PPP1R9A: variants seen among roughly 807,000 people sequenced by gnomAD.
PPP1R9A encodes the protein neurabin-1.
Under a neutral mutation model 141.9 loss-of-function variants are expected in PPP1R9A, and 59 were observed. The observed-to-expected ratio is 0.42, with a 90% CI of 0.34 to 0.52. PPP1R9A has a LOEUF of 0.52. PPP1R9A is among the 20% of genes least tolerant of loss of function. PPP1R9A has a pLI of 0.10. For missense variants in PPP1R9A, 1,444 were observed against 1,611.9 expected (o/e 0.90, Z 1.78); for synonymous variants, 500 against 569.7 (o/e 0.88, Z 1.74).
At chr7:95,228,136 G>A (rs76206056) in intron 8 of PPP1R9A, among the ~76,000 whole-genome samples, 223 of 152,214 alleles carry the variant, frequency 1.5e-3, no homozygotes, top group African/African-American at 5.3e-3. Context: ...CATGTTACAG[G>A]ATTGTCTTAA....
chr7:95,149,655 G>A (rs1367014570), intron 4 of PPP1R9A, among the ~76,000 whole-genome samples: 4 of 151,508 alleles, frequency 2.6e-5, no homozygotes, highest in African/African-American at 4.8e-5. Context: ...GAAATACTTA[G>A]GTATAAACCT....
chr7:95,264,854 A>T (rs1043399464), intron 12 of PPP1R9A, among the ~76,000 whole-genome samples: 1 of 152,244 alleles, frequency 6.6e-6, no homozygotes, highest in African/African-American at 2.4e-5. Context: ...TATGGACAAC[A>T]GAACAAGGCA....
intron 2 of PPP1R9A, among the ~76,000 whole-genome samples, chr7:95,069,383 A>G (rs1201828720): frequency 1.3e-5 from 2 of 152,122 alleles, no homozygotes; most frequent in African/African-American, 2.4e-5. Flanking sequence ...TAAAGGAAGT[A>G]GGGCTACACT....
chr7:95,045,233 G>C (rs1490200035), intron 2 of PPP1R9A, among the ~76,000 whole-genome samples: 1 of 152,156 alleles, frequency 6.6e-6, no homozygotes, highest in Non-Finnish European at 1.5e-5. Flanking sequence ...GCAAGTTTCC[G>C]AGCAGGAATG....
At chr7:95,071,686 A>G (rs1481629232) in intron 2 of PPP1R9A, among the ~76,000 whole-genome samples, 2 of 151,998 alleles carry the variant, frequency 1.3e-5, no homozygotes, top group Non-Finnish European at 2.9e-5. Context: ...TATAAAAGAA[A>G]GAATATGCTT....
intron 5 of PPP1R9A, among the ~76,000 whole-genome samples, chr7:95,183,875 T>C (rs1834246490): frequency 6.6e-6 from 1 of 151,622 alleles, no homozygotes; most frequent in South Asian, 2.1e-4. Flanking sequence ...TTATTCTATT[T>C]TATTTTATTT....
intron 8 of PPP1R9A, 98 bp from the exon 9 acceptor site, chr7:95,247,375 C>T: frequency 1.0e-6 from 1 of 969,012 alleles, no homozygotes; most frequent in Non-Finnish European, 1.6e-6. Flanking sequence ...TTTTCTAGGC[C>T]TTTTACTATG....
At chr7:95,276,984 CTG>C (rs1265413150) in intron 16 of PPP1R9A, among the ~76,000 whole-genome samples, 3 of 152,132 alleles carry the variant, frequency 2.0e-5, no homozygotes, top group Non-Finnish European at 4.4e-5. Flanking sequence ...TCCTGAAAGT[CTG>C]TGGGCTGTAA....
chr7:94,956,842 G>T (rs911002954), intron 2 of PPP1R9A, among the ~76,000 whole-genome samples: 2 of 152,134 alleles, frequency 1.3e-5, no homozygotes, highest in African/African-American at 2.4e-5. Context: ...GTTTTGAATA[G>T]AAATCAACCA....
chr7:95,021,614 A>T (rs1805973152), intron 2 of PPP1R9A, among the ~76,000 whole-genome samples: 1 of 152,272 alleles, frequency 6.6e-6, no homozygotes, highest in Non-Finnish European at 1.5e-5. Flanking sequence ...TCTTATGTTT[A>T]AGTCTTTAAT....
At chr7:95,181,369 G>A (rs1383843481) in intron 5 of PPP1R9A, among the ~76,000 whole-genome samples, 20 of 132,544 alleles carry the variant, frequency 1.5e-4, no homozygotes, top group African/African-American at 5.7e-4. Flanking sequence ...GAATATGTAT[G>A]GAATATATAG....
In PPP1R9A at chr7:95,247,405, C is replaced by T. The variant is rs932445485; in HGVS notation, c.2113-68C>T. 3.8e-6 allele frequency: 5 copies of T among 1,314,304 alleles called. No individual in the cohort carries two copies. In the African/African-American group the frequency reaches 5.9e-5, roughly 16 times the overall value. The allele number at this position is 1,314,304 out of a possible 1,614,324, so 81.4% of individuals were successfully genotyped here. Reference sequence around the variant, plus strand: ...ACTATGTAATAAGGCATTCTTGTAGCTGCTGAGGCTTTACAAATATAGATA... The same window carrying T: ...ACTATGTAATAAGGCATTCTTGTAGTTGCTGAGGCTTTACAAATATAGATA... On this transcript the variant is annotated intron_variant, in intron 8 of 19. Transcript: ENST00000433360.
In PPP1R9A at chr7:94,920,504, G is replaced by C. The variant is rs571995460; in HGVS notation, c.1395+8996G>C. Among the ~76,000 whole-genome samples, 4 of 152,140 alleles carry C rather than the reference G, an allele frequency of 2.6e-5. No homozygotes were observed. In the East Asian group the frequency reaches 5.8e-4, roughly 22 times the overall value. Reference sequence around the variant, plus strand: ...TTTTAGGAGGAAAGTTTTGTTCTTTGCTTACTTAATCTATTTCATTGGTAT... The same window carrying C: ...TTTTAGGAGGAAAGTTTTGTTCTTTCCTTACTTAATCTATTTCATTGGTAT... On this transcript the variant is annotated intron_variant, in intron 2 of 19. Transcript: ENST00000433360.
At chr7:95,121,684 C>T (rs1473497596) in intron 4 of PPP1R9A, among the ~76,000 whole-genome samples, 1 of 151,890 alleles carries the variant, frequency 6.6e-6, no homozygotes, top group East Asian at 1.9e-4. Context: ...CTGGGAAGTC[C>T]AAGATTAAGG....
At chr7:95,104,209 G>A (rs2374992) in intron 2 of PPP1R9A, among the ~76,000 whole-genome samples, 34,373 of 152,142 alleles carry the variant, frequency 0.23, 4,884 homozygotes, top group South Asian at 0.43. Flanking sequence ...AGCTTTTGGA[G>A]TAATAACCTA....
At chr7:95,094,072 A>G (rs1817695550) in intron 2 of PPP1R9A, among the ~76,000 whole-genome samples, 1 of 152,218 alleles carries the variant, frequency 6.6e-6, no homozygotes, top group South Asian at 2.1e-4. Flanking sequence ...AGCATAATGT[A>G]ATAAATCTAT....
At chr7:95,207,308 C>T (rs887424968) in intron 7 of PPP1R9A, among the ~76,000 whole-genome samples, 87 of 152,048 alleles carry the variant, frequency 5.7e-4, no homozygotes, top group African/African-American at 2.1e-3. Flanking sequence ...CAAATATCTC[C>T]AATTGCATAT....
chr7:95,283,359 A>T (rs1413022028), intron 16 of PPP1R9A, among the ~76,000 whole-genome samples: 2 of 152,200 alleles, frequency 1.3e-5, no homozygotes, highest in African/African-American at 4.8e-5. Flanking sequence ...ACATAAAAAT[A>T]TCCACTTTTT....
intron 5 of PPP1R9A, among the ~76,000 whole-genome samples, chr7:95,194,487 A>G (rs1209209567): frequency 6.6e-6 from 1 of 152,054 alleles, no homozygotes; most frequent in East Asian, 1.9e-4. Context: ...AAATACATAG[A>G]CAAATAAATA....
Sources: gnomAD v4.1 joint callset for allele counts (sites outside exome capture counted in the v4.1 genomes callset) on GRCh38, gnomAD v4.1.1 for gene constraint, MANE v1.5 for transcripts, NCBI Gene and HGNC (gene_info 2026-07-23, HGNC 2026-07-21) for gene names.